Variants in DYTN observed in about 807,000 individuals in gnomAD.
DYTN encodes the protein dystrotelin.
DYTN carries 75 observed loss-of-function variants against 69.6 expected under a neutral mutation model. The observed-to-expected ratio is 1.08, with a 90% CI of 0.89 to 1.31. The LOEUF is 1.31. Among genes scored for constraint, DYTN ranks in the 50% most tolerant of loss-of-function variants. The pLI is 0.00. For synonymous variants in DYTN, 252 were observed against 249.1 expected (o/e 1.01, Z -0.11); for missense variants, 726 against 688.4 (o/e 1.05, Z -0.61).
chr2:206,703,976 T>C (rs1700001622), intron 5 of DYTN, among the ~76,000 whole-genome samples: 2 of 152,226 alleles, frequency 1.3e-5, no homozygotes, highest in Admixed American at 6.5e-5. Context: ...CATTTTAACA[T>C]TTAAAAAACA....
At chr2:206,709,609 T>C (rs7572872) in intron 2 of DYTN, among the ~76,000 whole-genome samples, 61,482 of 152,004 alleles carry the variant, frequency 0.4, 13,009 homozygotes, top group African/African-American at 0.53. Context: ...TGCCCTACCC[T>C]ACATTCACAT....
chr2:206,689,507 A>G (rs2105896245), intron 9 of DYTN, among the ~76,000 whole-genome samples: 1 of 152,326 alleles, frequency 6.6e-6, no homozygotes, highest in Non-Finnish European at 1.5e-5. Flanking sequence ...GAACAACTCT[A>G]CTGTACTTGG....
intron 1 of DYTN, among the ~76,000 whole-genome samples, chr2:206,713,624 T>C (rs1700100332): frequency 6.6e-6 from 1 of 152,188 alleles, no homozygotes; most frequent in Non-Finnish European, 1.5e-5. Flanking sequence ...GGTTGAGGAA[T>C]AGTGAAGATT....
intron 9 of DYTN, among the ~76,000 whole-genome samples, chr2:206,669,700 C>G (rs1699610488): frequency 6.6e-6 from 1 of 152,054 alleles, no homozygotes; most frequent in Non-Finnish European, 1.5e-5. Flanking sequence ...TATAGCCTTT[C>G]TAGTGCTTTA....
Position 206,694,885 on chromosome 2 carries a change from T to C in DYTN, c.720-8A>G. The C allele has an allele frequency of 6.4e-7, 1 of 1,552,528 alleles. No homozygotes were observed. Among genetic ancestry groups the C allele is most frequent in the Non-Finnish European group, 8.7e-7 (1 of 1,152,984 alleles). On this transcript the variant is annotated splice_polypyrimidine_tract_variant and splice_region_variant and intron_variant, in intron 7 of 11. Coordinates refer to ENST00000452335, the MANE Select transcript of DYTN (RefSeq NM_001093730.1). ...CACTTCAGACAGCGGTATCTGCCAGTTAAAATAGAAGCACAGCTTACGTCA... is the reference window on the plus strand; with the variant it reads ...CACTTCAGACAGCGGTATCTGCCAGCTAAAATAGAAGCACAGCTTACGTCA...
In DYTN at chr2:206,662,925, G is replaced by A. The variant is rs1236423340; in HGVS notation, c.1611C>T (p.Ala537=). 6.2e-7 allele frequency: 1 copy of A among 1,613,138 alleles called. No homozygotes were observed. Among genetic ancestry groups the A allele is most frequent in the Non-Finnish European group, 8.5e-7 (1 of 1,179,668 alleles). The change falls in exon 11 of 12, where the codon GCC becomes GCT. Residue 537 remains alanine (A), a synonymous_variant. Coordinates refer to ENST00000452335, the MANE Select transcript of DYTN (RefSeq NM_001093730.1). The part of the protein sequence containing the change: ...LQELLSKLMD[A]FNLETPSGPE... The stretch of plus-strand genomic sequence containing the variant: ...TACCTGATGGCGTTTCTAGATTGAA[G>A]GCATCCATAAGTTTTGACAATAGTT...
chr2:206,679,303 G>T (rs1415796014), intron 9 of DYTN: 2 of 152,144 alleles, frequency 1.3e-5, no homozygotes, highest in African/African-American at 2.4e-5. Flanking sequence ...CAATAAAGCA[G>T]GCCAACTTTT....
Position 206,705,822 on chromosome 2 carries a change from G to A in DYTN, c.348C>T (p.Thr116=), listed in dbSNP as rs1700019561. 1.2e-6 allele frequency: 2 copies of A among 1,613,744 alleles called. No homozygotes were observed. The highest frequency in any genetic ancestry group is 2.2e-5 in the East Asian group (1 of 44,872). ...TTGAAAGAGGGCTGTCTCCTGAGAGGGTTATTAGGGCAGCGGCCGCAGGCA... is the reference window on the plus strand; with the variant it reads ...TTGAAAGAGGGCTGTCTCCTGAGAGAGTTATTAGGGCAGCGGCCGCAGGCA... ...QLMPAAAALI[T]LSGDSPLSKY... The change falls in exon 4 of 12, where the codon ACC becomes ACT. Residue 116 remains threonine, a synonymous_variant. Coordinates refer to ENST00000452335, the MANE Select transcript of DYTN (RefSeq NM_001093730.1).
rs1699885624 is a variant in DYTN, at chr2:206,693,339, A to G, written c.832-16T>C. Reference sequence around the variant, plus strand: ...TTGCTGACATCTGCTGAAAGGGCCAACATTTTTAAAAAGCGTCAGATCAGT... The same window carrying G: ...TTGCTGACATCTGCTGAAAGGGCCAGCATTTTTAAAAAGCGTCAGATCAGT... On this transcript the variant is annotated splice_polypyrimidine_tract_variant and intron_variant, in intron 8 of 11. Transcript: ENST00000452335. 6.2e-7 allele frequency: 1 copy of G among 1,608,336 alleles called. No homozygotes were observed. Among genetic ancestry groups the G allele is most frequent in the Non-Finnish European group, 8.5e-7 (1 of 1,179,062 alleles).
intron 7 of DYTN, among the ~76,000 whole-genome samples, chr2:206,698,570 C>T (rs567951684): frequency 3.4e-4 from 52 of 152,270 alleles, no homozygotes; most frequent in African/African-American, 1.1e-3. Flanking sequence ...GTTCACTCAT[C>T]GTGAATAATG....
At chr2:206,683,339 C>CTTTTTTTTTTTTTTT (rs10531348) in intron 9 of DYTN, among the ~76,000 whole-genome samples, 4 of 111,944 alleles carry the variant, frequency 3.6e-5, no homozygotes, top group Admixed American at 9.7e-5. Context: ...TTTACTTTTT[C>CTTTTTTTTTTTTTTT]TTTTTTTTTT....
chr2:206,716,302 G>A (rs1289932467), intron 1 of DYTN, among the ~76,000 whole-genome samples: 1 of 152,120 alleles, frequency 6.6e-6, no homozygotes, highest in Non-Finnish European at 1.5e-5. Context: ...TGCTGAACCA[G>A]GCCAGAGCCA....
intron 10 of DYTN, among the ~76,000 whole-genome samples, 190 bp from the exon 11 acceptor site, chr2:206,663,585 G>C (rs1056371619): frequency 6.6e-6 from 1 of 151,974 alleles, no homozygotes; most frequent in Admixed American, 6.6e-5. Context: ...CTCTCTACAA[G>C]AGCTGGAACA....
chr2:206,653,733 C>T (rs1250225983), intron 11 of DYTN, among the ~76,000 whole-genome samples: 1 of 152,188 alleles, frequency 6.6e-6, no homozygotes, highest in Non-Finnish European at 1.5e-5. Context: ...CCAGATTGTA[C>T]ATGTTGATTG....
chr2:206,675,157 A>G (rs1042122053), intron 9 of DYTN, among the ~76,000 whole-genome samples: 6 of 112,668 alleles, frequency 5.3e-5, no homozygotes, highest in African/African-American at 1.1e-4. Context: ...ATATATGTGT[A>G]TATATATTTA....
chr2:206,711,929 T>C (rs1012820145), intron 1 of DYTN, among the ~76,000 whole-genome samples: 5 of 152,226 alleles, frequency 3.3e-5, no homozygotes, highest in African/African-American at 1.2e-4. Context: ...TGCTGAAGAC[T>C]GAAATGATCA....
At chr2:206,700,071 T>C (rs898050560) in intron 6 of DYTN, 74 bp downstream of exon 6, 4 of 1,592,886 alleles carry the variant, frequency 2.5e-6, no homozygotes, top group Admixed American at 3.3e-5. Context: ...AGGTCTGTAA[T>C]GTAAATCAGT....
chr2:206,653,310 T>C (rs1699408546), intron 11 of DYTN, among the ~76,000 whole-genome samples: 1 of 152,216 alleles, frequency 6.6e-6, no homozygotes, highest in African/African-American at 2.4e-5. Context: ...TCAGCTTTAG[T>C]CTCTTGAAAT....
chr2:206,696,704 T>G (rs1266354589), intron 7 of DYTN, among the ~76,000 whole-genome samples: 1 of 152,216 alleles, frequency 6.6e-6, no homozygotes, highest in Admixed American at 6.5e-5. Flanking sequence ...CTATCTGAAC[T>G]GATGGCCTGC....
Sources: allele counts gnomAD v4.1 joint callset (sites outside exome capture counted in the v4.1 genomes callset), GRCh38; gene constraint gnomAD v4.1.1; transcripts MANE v1.5; gene names NCBI Gene and HGNC (gene_info 2026-07-23, HGNC 2026-07-21).